FLVCR2: variants seen among roughly 807,000 people sequenced by gnomAD.
The protein encoded by FLVCR2 is choline/ethanolamine transporter FLVCR2.
Under a neutral mutation model 48.9 loss-of-function variants are expected in FLVCR2, and 38 were observed. The observed-to-expected ratio is 0.78, with a 90% CI of 0.60 to 1.02. FLVCR2 has a LOEUF of 1.02. Ranked by LOEUF, FLVCR2 falls within the 50% of genes least tolerant of loss-of-function variation. The pLI is 0.00. For missense variants in FLVCR2, 664 were observed against 663.3 expected (o/e 1.00, Z -0.01); for synonymous variants, 255 against 257.0 (o/e 0.99, Z 0.07).
At chr14:75,634,597 CAGATA>C (rs1414024323) in intron 4 of FLVCR2, among the ~76,000 whole-genome samples, 1 of 152,070 alleles carries the variant, frequency 6.6e-6, no homozygotes, top group African/African-American at 2.4e-5. Context: ...GAATTAATGA[CAGATA>C]AGATAGAAGA....
intron 1 of FLVCR2, among the ~76,000 whole-genome samples, chr14:75,611,358 A>T (rs1889441144): frequency 2.0e-5 from 3 of 152,176 alleles, no homozygotes; most frequent in Non-Finnish European, 4.4e-5. Context: ...TTGGAATCAG[A>T]TAGCCAAGGG....
At chr14:75,616,153 C>T (rs796537845) in intron 1 of FLVCR2, among the ~76,000 whole-genome samples, 1 of 151,184 alleles carries the variant, frequency 6.6e-6, no homozygotes, top group Non-Finnish European at 1.5e-5. Context: ...AGTGAGAGAC[C>T]CCAATTCCAC....
rs753169871 is a variant in FLVCR2, at chr14:75,634,934, A to G, written c.1045A>G (p.Ile349Val). The change falls in exon 5 of 10, where the codon ATT (isoleucine) becomes GTT (valine). Residue 349 changes from isoleucine (I) to valine (V), a missense_variant. By Grantham distance (29) the Ile-to-Val change is conservative. Coordinates refer to ENST00000238667, the MANE Select transcript of FLVCR2 (RefSeq NM_017791.3). Reference sequence around the variant, plus strand: ...GGGGGAAGAAGTGAATGCTGGAAGAATTGGCCTGACGATCGTCATTGCAGG... The same window carrying G: ...GGGGGAAGAAGTGAATGCTGGAAGAGTTGGCCTGACGATCGTCATTGCAGG... Reference protein sequence around the residue: ...YPGEEVNAGRIGLTIVIAGML... With the variant: ...YPGEEVNAGRVGLTIVIAGML... 3.9e-5 allele frequency: 63 copies of G among 1,613,856 alleles called. No individual in the cohort carries two copies. Among genetic ancestry groups the G allele is most frequent in the Non-Finnish European group, 5.3e-5 (62 of 1,179,876 alleles).
chr14:75,581,040 G>A (rs1443294499), intron 1 of FLVCR2, among the ~76,000 whole-genome samples: 3 of 151,888 alleles, frequency 2.0e-5, no homozygotes, highest in African/African-American at 7.3e-5. Context: ...TCTCAGGACT[G>A]CTTCGAGCGG....
In FLVCR2 at chr14:75,624,709, G is replaced by A; in HGVS notation, c.909G>A (p.Arg303=). Residue 303 remains arginine, a synonymous_variant, in exon 3 of 10, where the codon CGG becomes CGA. Coordinates refer to ENST00000238667, the MANE Select transcript of FLVCR2 (RefSeq NM_017791.3). The stretch of plus-strand genomic sequence containing the variant: ...CCTCATACTTAGGTTCCATCGCCCG[G>A]CTCTTCAAAAATCTCAACTTTGTGC... ...PDASYLGSIA[R]LFKNLNFVLL... is the part of the protein sequence containing the mutation. The A allele has an allele frequency of 6.2e-7, 1 of 1,614,072 alleles. No individual in the cohort carries two copies. Among genetic ancestry groups the A allele is most frequent in the South Asian group, 1.1e-5 (1 of 91,082 alleles).
At chr14:75,584,691 G>A (rs1416536632) in intron 1 of FLVCR2, among the ~76,000 whole-genome samples, 1 of 152,216 alleles carries the variant, frequency 6.6e-6, no homozygotes, top group Non-Finnish European at 1.5e-5. Flanking sequence ...TCTGGCTCGT[G>A]AAGCCGGCAG....
At chr14:75,581,126 TG>T (rs1888592972) in intron 1 of FLVCR2, among the ~76,000 whole-genome samples, 1 of 151,990 alleles carries the variant, frequency 6.6e-6, no homozygotes, top group Non-Finnish European at 1.5e-5. Context: ...GGTGATACTG[TG>T]GGGTTGTTAG....
chr14:75,581,033 C>T (rs1888587686), intron 1 of FLVCR2, among the ~76,000 whole-genome samples: 1 of 151,968 alleles, frequency 6.6e-6, no homozygotes, highest in Non-Finnish European at 1.5e-5. Context: ...AGATGTTTCT[C>T]AGGACTGCTT....
intron 1 of FLVCR2, among the ~76,000 whole-genome samples, chr14:75,581,064 G>A (rs1227363510): frequency 2.6e-5 from 4 of 152,178 alleles, no homozygotes; most frequent in South Asian, 2.1e-4. Flanking sequence ...TAGGGGCAGC[G>A]TGGGAACCTA....
intron 1 of FLVCR2, among the ~76,000 whole-genome samples, chr14:75,589,481 G>A (rs1888832154): frequency 6.6e-6 from 1 of 152,238 alleles, no homozygotes; most frequent in Admixed American, 6.5e-5. Context: ...TGCCCTTACA[G>A]CTTTGCTGGG....
Position 75,646,473 on chromosome 14 carries a change from G to A in FLVCR2, c.*1G>A. 6.2e-7 allele frequency: 1 copy of A among 1,607,572 alleles called. No homozygotes were observed. The highest frequency in any genetic ancestry group is 8.5e-7 in the Non-Finnish European group (1 of 1,174,002). On this transcript the variant is annotated 3_prime_UTR_variant, in exon 10 of 10. Transcript: ENST00000238667. Reference sequence around the variant, plus strand: ...TGCTGTGTCAGAGGATCATCTCTGAGAGGAAGGTGGTGACAACTCAGGGAA... The same window carrying A: ...TGCTGTGTCAGAGGATCATCTCTGAAAGGAAGGTGGTGACAACTCAGGGAA...
intron 1 of FLVCR2, among the ~76,000 whole-genome samples, chr14:75,616,551 T>C (rs920036087): frequency 3.3e-5 from 5 of 152,144 alleles, no homozygotes; most frequent in Non-Finnish European, 7.3e-5. Context: ...CTTTTTTGAC[T>C]CAGCACTAGG....
intron 2 of FLVCR2, among the ~76,000 whole-genome samples, chr14:75,624,339 C>T (rs902997240): frequency 2.0e-5 from 3 of 149,840 alleles, no homozygotes; most frequent in South Asian, 2.1e-4. Flanking sequence ...GGTGACAGAG[C>T]GAGACTCCGT....
chr14:75,579,102 A>G lies in FLVCR2; in HGVS notation c.130A>G (p.Ser44Gly). Residue 44 changes from serine to glycine, a missense_variant, in exon 1 of 10, where the codon AGC becomes GGC. Transcript: ENST00000238667. ...CCATCCCAGCGTCTCCATCAACCCC[A>G]GCGTCTCTGTCCACCCCAGCAGTTC... is the stretch of plus-strand genomic sequence containing the variant. The part of the protein sequence containing the change: ...SVHPSVSINP[S>G]VSVHPSSSAH... The G allele has an allele frequency of 6.2e-7, 1 of 1,613,928 alleles. No individual in the cohort carries two copies. Among genetic ancestry groups the G allele is most frequent in the Non-Finnish European group, 8.5e-7 (1 of 1,179,944 alleles).
At chr14:75,585,187 G>A (rs1380819737) in intron 1 of FLVCR2, among the ~76,000 whole-genome samples, 1 of 152,180 alleles carries the variant, frequency 6.6e-6, no homozygotes, top group Non-Finnish European at 1.5e-5. Flanking sequence ...ACAGACAGGA[G>A]AGAAAGAAGA....
At chr14:75,615,719 T>C (rs1292295493) in intron 1 of FLVCR2, among the ~76,000 whole-genome samples, 1 of 151,924 alleles carries the variant, frequency 6.6e-6, no homozygotes, top group African/African-American at 2.4e-5. Context: ...GGGAGATTCA[T>C]TTAAAAAAGC....
intron 8 of FLVCR2, among the ~76,000 whole-genome samples, chr14:75,641,496 G>T (rs1890308361): frequency 6.6e-6 from 1 of 152,208 alleles, no homozygotes; most frequent in African/African-American, 2.4e-5. Context: ...ATCCCAGACT[G>T]TGACAATGAC....
chr14:75,581,702 G>C (rs576292970), intron 1 of FLVCR2, among the ~76,000 whole-genome samples: 1 of 152,296 alleles, frequency 6.6e-6, no homozygotes, highest in East Asian at 1.9e-4. Flanking sequence ...TTCCTGACTC[G>C]GGGCATGTGA....
chr14:75,584,062 G>T (rs1218023785), intron 1 of FLVCR2, among the ~76,000 whole-genome samples: 1 of 152,086 alleles, frequency 6.6e-6, no homozygotes, highest in Non-Finnish European at 1.5e-5. Flanking sequence ...CTGGGGGCCC[G>T]CACAGATGGC....
Sources: gnomAD v4.1 joint callset for allele counts (sites outside exome capture counted in the v4.1 genomes callset) on GRCh38, gnomAD v4.1.1 for gene constraint, MANE v1.5 for transcripts, NCBI Gene and HGNC (gene_info 2026-07-23, HGNC 2026-07-21) for gene names.